The following RASAL2 variants were observed in gnomAD, a reference collection of about 807,000 sequenced individuals.
RASAL2 encodes the protein RAS protein activator like 2, also known as ras GTPase-activating protein nGAP.
A neutral mutation model predicts 128.9 loss-of-function variants in RASAL2; 58 were observed. That is an observed-to-expected ratio of 0.45 (90% CI 0.36 to 0.56). The LOEUF is 0.56. Ranked by LOEUF, RASAL2 falls within the 20% of genes least tolerant of loss-of-function variation. RASAL2 has a pLI of 0.00. For missense variants in RASAL2, 1,360 were observed against 1,601.6 expected (o/e 0.85, Z 2.57); for synonymous variants, 561 against 580.8 (o/e 0.97, Z 0.49).
chr1:178,375,819 G>C (rs149849727), intron 3 of RASAL2, among the ~76,000 whole-genome samples: 56 of 152,248 alleles, frequency 3.7e-4, no homozygotes, highest in African/African-American at 1.2e-3. Context: ...CAATTTTTTA[G>C]GAAGATGGGA....
chr1:178,358,642 C>A (rs1670948955), intron 3 of RASAL2, among the ~76,000 whole-genome samples: 1 of 152,140 alleles, frequency 6.6e-6, no homozygotes, highest in Admixed American at 6.5e-5. Flanking sequence ...ACTAAAAATT[C>A]TGACAATACC....
chr1:178,458,579 T>C (rs1281626347), intron 14 of RASAL2, 35 bp downstream of exon 14: 47 of 1,545,228 alleles, frequency 3.0e-5, no homozygotes, highest in Non-Finnish European at 3.9e-5. Flanking sequence ...TGGCTTCTAC[T>C]TGGTCCATCT....
chr1:178,464,510 T>C, intron 15 of RASAL2, 98 bp downstream of exon 15: 1 of 1,397,404 alleles, frequency 7.2e-7, no homozygotes, highest in South Asian at 1.4e-5. Context: ...CACCCCCATC[T>C]TCACCTCTAC....
chr1:178,121,632 C>T (rs754531174), intron 1 of RASAL2, among the ~76,000 whole-genome samples: 5 of 151,914 alleles, frequency 3.3e-5, no homozygotes, highest in African/African-American at 7.3e-5. Context: ...ATTACAGGTG[C>T]GCACCACCAT....
chr1:178,178,209 A>T (rs2101923498), intron 1 of RASAL2, among the ~76,000 whole-genome samples: 1 of 152,316 alleles, frequency 6.6e-6, no homozygotes, highest in African/African-American at 2.4e-5. Context: ...ATGAGGGCCT[A>T]AGTGGGAAAT....
chr1:178,457,687 T>G lies in RASAL2; in HGVS notation c.2395T>G (p.Leu799Val). 1 of 1,612,294 alleles carries G rather than the reference T, an allele frequency of 6.2e-7. No homozygotes were observed. Among genetic ancestry groups the G allele is most frequent in the Non-Finnish European group, 8.5e-7 (1 of 1,178,862 alleles). ...GTGTCCTTTCCTTTTCCACAGTGAT[T>G]TGCATAAACTAAAATCTCCAAGCCA... ...KIFEDPTDSD[L>V]HKLKSPSQDN... Residue 799 changes from leucine to valine, a missense_variant, in exon 14 of 18, where the codon TTG becomes GTG. Leu to Val is a conservative substitution (Grantham distance 32, BLOSUM62 1). Around this residue, in one of 3 missense-constraint regions of RASAL2, gnomAD observed 741 missense variants for 868.6 expected, o/e 0.85. Transcript: ENST00000367649.
chr1:178,264,428 T>C (rs767576138), intron 1 of RASAL2, among the ~76,000 whole-genome samples: 65 of 152,246 alleles, frequency 4.3e-4, no homozygotes, highest in Non-Finnish European at 1.3e-4. Context: ...AAATTCTCTC[T>C]AAACCCTCAT....
intron 1 of RASAL2, among the ~76,000 whole-genome samples, chr1:178,118,177 G>T (rs928629270): frequency 1.3e-5 from 2 of 150,142 alleles, no homozygotes; most frequent in African/African-American, 4.9e-5. Context: ...AAAAAAAAAA[G>T]ATATATATAT....
intron 1 of RASAL2, among the ~76,000 whole-genome samples, chr1:178,133,324 C>G (rs1303990617): frequency 6.6e-6 from 1 of 152,154 alleles, no homozygotes; most frequent in Non-Finnish European, 1.5e-5. Context: ...AGCCTGTTAT[C>G]TGCCTTTCCA....
intron 1 of RASAL2, among the ~76,000 whole-genome samples, chr1:178,156,531 A>T (rs1661089330): frequency 6.6e-6 from 1 of 152,198 alleles, no homozygotes; most frequent in Non-Finnish European, 1.5e-5. Context: ...CTGTGTCAGA[A>T]TGTCAGCTGT....
At chr1:178,155,724 A>G (rs1661064097) in intron 1 of RASAL2, among the ~76,000 whole-genome samples, 1 of 151,100 alleles carries the variant, frequency 6.6e-6, no homozygotes, top group South Asian at 2.1e-4. Context: ...GAAAGCCCCC[A>G]TGAATGACTT....
At chr1:178,245,375 CTTTT>C (rs1245876938) in intron 1 of RASAL2, among the ~76,000 whole-genome samples, 2 of 152,164 alleles carry the variant, frequency 1.3e-5, no homozygotes, top group Non-Finnish European at 2.9e-5. Context: ...TAAATGTCTT[CTTTT>C]GAGAAGTGTC....
intron 11 of RASAL2, among the ~76,000 whole-genome samples, chr1:178,453,554 A>G (rs1055371258): frequency 6.6e-6 from 1 of 152,116 alleles, no homozygotes; most frequent in Non-Finnish European, 1.5e-5. Flanking sequence ...ATTAGGAGAA[A>G]ACAGTTGGGA....
chr1:178,203,049 G>A (rs1032144950), intron 1 of RASAL2, among the ~76,000 whole-genome samples: 2 of 152,202 alleles, frequency 1.3e-5, no homozygotes, highest in Non-Finnish European at 2.9e-5. Flanking sequence ...TTGGTGACAG[G>A]TCGATTATAT....
intron 3 of RASAL2, among the ~76,000 whole-genome samples, chr1:178,354,353 C>T (rs1048220667): frequency 2.0e-5 from 3 of 152,132 alleles, no homozygotes; most frequent in Non-Finnish European, 2.9e-5. Flanking sequence ...AATTTCTTTA[C>T]TCTGATTAGT....
rs568222524 is a variant in RASAL2, at chr1:178,429,729, GTCT to G, written c.674+9114_674+9116del. The stretch of plus-strand genomic sequence containing the variant: ...TTACCTCCTGTCACTCCTGCCAAAA[GTCT>G]TCTTTATAGTATTATACTTGTCATA... On this transcript the variant is annotated intron_variant, in intron 5 of 17. Coordinates refer to ENST00000367649, the MANE Select transcript of RASAL2 (RefSeq NM_170692.4). Among the ~76,000 whole-genome samples the G allele has an allele frequency of 9.9e-5, 15 of 152,194 alleles. No homozygotes were observed. The South Asian group carries it at 2.9e-3, about 29-fold the overall frequency.
intron 1 of RASAL2, among the ~76,000 whole-genome samples, chr1:178,279,376 C>G (rs1316256838): frequency 1.3e-5 from 2 of 152,096 alleles, no homozygotes; most frequent in African/African-American, 4.8e-5. Flanking sequence ...TGTTTGTTAC[C>G]ATTTTCACTA....
At chr1:178,244,691 G>A (rs111434446) in intron 1 of RASAL2, among the ~76,000 whole-genome samples, 1 of 152,204 alleles carries the variant, frequency 6.6e-6, no homozygotes, top group African/African-American at 2.4e-5. Flanking sequence ...AGCCCCACAT[G>A]CGTTAGATAT....
intron 11 of RASAL2, 52 bp downstream of exon 11, chr1:178,452,704 A>G: frequency 1.4e-6 from 2 of 1,481,044 alleles, no homozygotes; most frequent in Middle Eastern, 1.7e-4. Context: ...AAAATACTTG[A>G]GGCCTAAAAT....
Sources: gnomAD v4.1 joint callset for allele counts (sites outside exome capture counted in the v4.1 genomes callset) on GRCh38, gnomAD v4.1.1 for gene constraint, gnomAD v4.1.1 regional missense constraint, MANE v1.5 for transcripts, NCBI Gene and HGNC (gene_info 2026-07-23, HGNC 2026-07-21) for gene names.